COL6A2: variants seen among roughly 807,000 people sequenced by gnomAD.
COL6A2 encodes collagen type VI alpha 2 chain.
COL6A2 carries 90 observed loss-of-function variants against 124.9 expected under a neutral mutation model. The observed-to-expected ratio is 0.72, with a 90% CI of 0.61 to 0.86. The LOEUF (loss-of-function observed/expected upper bound fraction) is 0.86. Among genes scored for constraint, COL6A2 ranks in the 40% least tolerant of loss-of-function variants. The pLI, the probability that COL6A2 is intolerant of heterozygous loss-of-function variation, is 0.00. For synonymous variants in COL6A2, 793 were observed against 618.2 expected, an observed-to-expected ratio of 1.28 and a Z score of -4.19; for missense variants, 1,607 against 1,502.5, an observed-to-expected ratio of 1.07 and a Z score of -1.15.
At chr21:46,120,001 C>A in intron 15 of COL6A2, 151 bp downstream of exon 15, 1 of 738,080 alleles carries the variant, frequency 1.4e-6, no homozygotes, top group Non-Finnish European at 2.4e-6. Context: ...GGGAATGCAG[C>A]CCTGAGATCC....
intron 1 of COL6A2, among the ~76,000 whole-genome samples, chr21:46,099,474 A>G (rs1351799986): frequency 6.6e-6 from 1 of 151,614 alleles, no homozygotes; most frequent in Non-Finnish European, 1.5e-5. Flanking sequence ...AAAAAAAAAA[A>G]AAAAAAAAGG....
Position 46,126,274 on chromosome 21 carries a change from A to G in COL6A2, c.2422+37A>G, listed in dbSNP as rs756077613. On this transcript the variant is annotated intron_variant, in intron 26 of 27. Transcript: ENST00000300527. ...GGCGCGGGGCAGTCGGCCGAGGAGCAGCAGGCCCCAGCCGCTGTCTAGCGT... is the reference window on the plus strand; with the variant it reads ...GGCGCGGGGCAGTCGGCCGAGGAGCGGCAGGCCCCAGCCGCTGTCTAGCGT... 5 of 1,590,810 alleles carry G rather than the reference A, an allele frequency of 3.1e-6. No individual in the cohort carries two copies. In the African/African-American group the frequency reaches 4.0e-5, roughly 13 times the overall value.
chr21:46,130,466 C>T (rs1252386560), intron 27 of COL6A2, among the ~76,000 whole-genome samples: 1 of 152,176 alleles, frequency 6.6e-6, no homozygotes, highest in African/African-American at 2.4e-5. Flanking sequence ...TTTCTCAGGG[C>T]CAGGTTCTCG....
intron 1 of COL6A2, among the ~76,000 whole-genome samples, chr21:46,105,009 C>T (rs1017971134): frequency 4.6e-5 from 7 of 152,168 alleles, no homozygotes; most frequent in Non-Finnish European, 7.3e-5. Context: ...TACCACTAGA[C>T]CTGCCCTATA....
rs556553586 is a variant in COL6A2 at position 46,111,859 on chromosome 21, G to A, written c.116-120G>A. On this transcript the variant is annotated intron_variant, in intron 2 of 27. Coordinates refer to ENST00000300527, the MANE Select transcript of COL6A2 (RefSeq NM_001849.4). Reference sequence around the variant, plus strand: ...ACCCAGGTGCCAGGGGTTGGGGGCCGGGGGCTCTGGCATTCGGGGGCAGTG... The same window carrying A: ...ACCCAGGTGCCAGGGGTTGGGGGCCAGGGGCTCTGGCATTCGGGGGCAGTG... The A allele has an allele frequency of 5.1e-5, 56 of 1,097,258 alleles. No homozygotes were observed. In the East Asian group the frequency reaches 6.6e-4, roughly 13 times the overall value. The allele number at this position is 1,097,258 out of a possible 1,614,324, so 68.0% of individuals were successfully genotyped here. A position where few individuals can be genotyped will look rare whatever the true frequency, so the allele number is the denominator to read the frequency against.
At chr21:46,121,227 C>T (rs1425687298) in intron 17 of COL6A2, 104 bp downstream of exon 17, 2 of 1,166,944 alleles carry the variant, frequency 1.7e-6, no homozygotes, top group African/African-American at 1.5e-5. Context: ...ATAGCAAACC[C>T]AGGCAGCAGA....
In COL6A2 at chr21:46,125,523, C is replaced by T. The variant is rs1221080628; in HGVS notation, c.1875C>T (p.Ser625=). The T allele has an allele frequency of 1.9e-6, 3 of 1,612,966 alleles. No homozygotes were observed. Among genetic ancestry groups the T allele is most frequent in the Non-Finnish European group, 2.5e-6 (3 of 1,179,974 alleles). The change falls in exon 25 of 28, where the codon AGC becomes AGT. Residue 625 remains serine (S), a synonymous_variant. Transcript: ENST00000300527. ...TCTTCGTCATCGACAGCTCCGAGAG[C>T]ATTGGGTACACCAACTTCACACTGG... ...DVVFVIDSSE[S]IGYTNFTLEK...
In COL6A2 at chr21:46,125,106, G is replaced by C. The variant is rs574687699; in HGVS notation, c.1771-160G>C. On this transcript the variant is annotated intron_variant, in intron 23 of 27. Coordinates refer to ENST00000300527, the MANE Select transcript of COL6A2 (RefSeq NM_001849.4). ...CAGGGCAAGGTTGGTGGGGGGAGGA[G>C]GGTGGCAGCGAGGTTGGTAGGGACA... Among the ~76,000 whole-genome samples the C allele has an allele frequency of 7.2e-5, 11 of 152,238 alleles. No homozygotes were observed. The East Asian group carries it at 1.9e-3, about 27-fold the overall frequency.
In COL6A2 at chr21:46,099,889, CTTTTT is replaced by C. The variant is rs869028897; in HGVS notation, c.-28+1735_-28+1739del. On this transcript the variant is annotated intron_variant, in intron 1 of 27. Coordinates refer to ENST00000300527, the MANE Select transcript of COL6A2 (RefSeq NM_001849.4). Reference sequence around the variant, plus strand: ...TCTCCACAATGGATAGCAGCACTGTCTTTTTTTTTTTTTTTTTTTTTTTCTCATTT... The same window carrying C: ...TCTCCACAATGGATAGCAGCACTGTCTTTTTTTTTTTTTTTTTTCTCATTT... 7.6e-3 allele frequency among the ~76,000 whole-genome samples: 701 copies of C among 91,830 alleles called. 27 individuals are homozygous for C. The highest frequency in any genetic ancestry group is 0.011 in the African/African-American group (278 of 26,048). 60.2% of individuals were successfully genotyped at this position (91,830 alleles called of 152,430 possible). A position where few individuals can be genotyped will look rare whatever the true frequency, so the allele number is the denominator to read the frequency against.
rs147352816 is a variant in COL6A2 at position 46,116,926 on chromosome 21, T to TATAC, written c.999+113_999+114insTACA. On this transcript the variant is annotated intron_variant, in intron 10 of 27. Transcript: ENST00000300527. This position sits in a 1 kb window ranked among gnomAD's most constrained non-coding sequence, Gnocchi z 4.6. ...CAGCTTACACATGTGTACACACGCA[T>TATAC]ACACACACACACACACACACACACA... 1.6e-5 allele frequency: 10 copies of TATAC among 638,192 alleles called. No individual in the cohort carries two copies. The highest frequency in any genetic ancestry group is 2.8e-5 in the East Asian group (1 of 35,582). The allele number at this position is 638,192 out of a possible 1,614,324, so 39.5% of individuals were successfully genotyped here.
chr21:46,114,220 A>C, intron 5 of COL6A2, 147 bp downstream of exon 5: 1 of 704,680 alleles, frequency 1.4e-6, no homozygotes, highest in South Asian at 1.5e-5. Context: ...ACGTCAGGAG[A>C]TCGAGACCAT....
In COL6A2 at chr21:46,132,057, C is replaced by CGTGGAGCAG. The variant is rs2078767440; in HGVS notation, c.2570_2578dup (p.Glu857_Val859dup). 1.9e-6 allele frequency: 3 copies of CGTGGAGCAG among 1,607,048 alleles called. No individual in the cohort carries two copies. The highest frequency in any genetic ancestry group is 2.5e-6 in the Non-Finnish European group (3 of 1,178,802). The stretch of plus-strand genomic sequence containing the variant: ...AGAACTTCCACAAGGCCCGGCGCTT[C>CGTGGAGCAG]GTGGAGCAGGTGGCGCGGCGGCTGA... On this transcript the variant is annotated inframe_insertion, in exon 28 of 28. Transcript: ENST00000300527.
rs772101340 is a variant in COL6A2 at position 46,117,353 on chromosome 21, A to G, written c.1000-47A>G. 4.4e-6 allele frequency: 7 copies of G among 1,585,034 alleles called. No individual in the cohort carries two copies. The East Asian group carries it at 1.6e-4, about 36-fold the overall frequency. ...GTGTCTTGGTCGTTGGCACACATGG[A>G]CCCCAGAACCCCGCCCTGAGACTCC... On this transcript the variant is annotated intron_variant, in intron 10 of 27. Coordinates refer to ENST00000300527, the MANE Select transcript of COL6A2 (RefSeq NM_001849.4).
Position 46,124,898 on chromosome 21 carries a change from C to G in COL6A2, c.1748C>G (p.Pro583Arg), listed in dbSNP as rs917875281. 12 of 1,612,812 alleles carry G rather than the reference C, an allele frequency of 7.4e-6. No individual in the cohort carries two copies. The highest frequency in any genetic ancestry group is 1.0e-5 in the Non-Finnish European group (12 of 1,180,010). The change falls in exon 23 of 28, where the codon CCC becomes CGC. Residue 583 changes from proline (P) to arginine (R), a missense_variant. Pro to Arg is a moderately radical substitution (Grantham distance 103). This residue lies in a region of COL6A2 where 1,223 missense variants were observed against 1,052.2 expected (regional missense o/e 1.16). Coordinates refer to ENST00000300527, the MANE Select transcript of COL6A2 (RefSeq NM_001849.4). ...TTCCTTCCCCAGGGTGAGCCCGGCC[C>G]CCCTGGAGACCCCGGTCTCACGGTA... Reference protein sequence around the residue: ...GVPGPEGEPGPPGDPGLTECD... With the variant: ...GVPGPEGEPGRPGDPGLTECD...
intron 15 of COL6A2, among the ~76,000 whole-genome samples, chr21:46,120,113 A>T (rs939813516): frequency 8.7e-6 from 1 of 115,530 alleles, no homozygotes; most frequent in Non-Finnish European, 1.8e-5. Context: ...GGCACCACTC[A>T]CACCCCCCGG....
Position 46,116,879 on chromosome 21 carries a change from C to A in COL6A2, c.999+65C>A. 6.4e-7 allele frequency: 1 copy of A among 1,556,364 alleles called. No homozygotes were observed. The highest frequency in any genetic ancestry group is 1.1e-5 in the South Asian group (1 of 89,604). On this transcript the variant is annotated intron_variant, in intron 10 of 27. Transcript: ENST00000300527. The surrounding 1 kb of genome is among the most constrained non-coding windows in gnomAD (Gnocchi z 4.6). ...AGAGGCATCCCAGCCTCTGCAGGGC[C>A]CCCAGATCCAGCCTGATCTGTCAGC...
chr21:46,118,950 C>T (rs1377542993), intron 13 of COL6A2, 80 bp from the exon 14 acceptor site: 2 of 1,172,786 alleles, frequency 1.7e-6, no homozygotes, highest in Non-Finnish European at 2.5e-6. Flanking sequence ...AATAGGGGCT[C>T]CACACCACAC....
rs75678773 is a variant in COL6A2 at position 46,127,928 on chromosome 21, C to T, written c.2461+1387C>T. 9.8e-5 allele frequency among the ~76,000 whole-genome samples: 15 copies of T among 152,342 alleles called. No individual in the cohort carries two copies. The East Asian group carries it at 2.1e-3, about 22-fold the overall frequency. On this transcript the variant is annotated intron_variant, in intron 27 of 27. Coordinates refer to ENST00000300527, the MANE Select transcript of COL6A2 (RefSeq NM_001849.4). ...CAGTGTTGAGCCAGCCCTGCGTGCC[C>T]GGGATAAACCCACCTGGCCGTGGTG...
chr21:46,122,832 G>T lies in COL6A2; in HGVS notation c.1609-43G>T, dbSNP rs558092896. The T allele has an allele frequency of 2.7e-4, 432 of 1,589,498 alleles. 5 individuals carry two copies. The South Asian group carries it at 4.6e-3, about 17-fold the overall frequency. ...AAATCTCACTGGTGTCCCTGGTAGA[G>T]ACAGCTCCTCTGTCCCAGGCTAACA... On this transcript the variant is annotated intron_variant, in intron 20 of 27. Transcript: ENST00000300527.
Sources: gnomAD v4.1 joint callset for allele counts (sites outside exome capture counted in the v4.1 genomes callset) on GRCh38, gnomAD v4.1.1 for gene constraint, gnomAD v4.1.1 regional missense constraint, Gnocchi (gnomAD v3.1) non-coding constraint, MANE v1.5 for transcripts, NCBI Gene and HGNC (gene_info 2026-07-23, HGNC 2026-07-21) for gene names.